The following LEKR1 variants were observed in gnomAD, a reference collection of about 807,000 sequenced individuals.
LEKR1 encodes protein LEKR1.
A neutral mutation model predicts 72.4 loss-of-function variants in LEKR1; 59 were observed. The ratio of observed to expected loss-of-function variants is 0.82; its 90% CI spans 0.66 to 1.01. The LOEUF (loss-of-function observed/expected upper bound fraction) is 1.01. Among genes scored for constraint, LEKR1 ranks in the 50% least tolerant of loss-of-function variants. LEKR1 has a pLI of 0.00. For missense variants in LEKR1, 728 were observed against 759.2 expected, an observed-to-expected ratio of 0.96 and a Z score of 0.48; for synonymous variants, 257 against 263.2, an observed-to-expected ratio of 0.98 and a Z score of 0.23.
At chr3:156,908,110 G>A (rs1306715245) in intron 3 of LEKR1, among the ~76,000 whole-genome samples, 1 of 152,136 alleles carries the variant, frequency 6.6e-6, no homozygotes, top group African/African-American at 2.4e-5. Flanking sequence ...ATATCAGGGT[G>A]TGTGTCATGA....
chr3:156,854,167 A>G (rs1455475652), intron 3 of LEKR1, among the ~76,000 whole-genome samples: 1 of 115,176 alleles, frequency 8.7e-6, no homozygotes, highest in African/African-American at 3.5e-5. Context: ...TTTTTGTGAC[A>G]GAGTCTTGCT....
chr3:156,886,777 A>C (rs1016324928), intron 3 of LEKR1, among the ~76,000 whole-genome samples: 2 of 152,222 alleles, frequency 1.3e-5, no homozygotes, highest in Non-Finnish European at 2.9e-5. Flanking sequence ...TTGGCAACTC[A>C]GTTTTTCACC....
At position 157,045,364 on chromosome 3, in the gene LEKR1, C is replaced by A; in HGVS notation, c.1693C>A (p.Arg565Ser). The A allele has an allele frequency of 6.2e-7, 1 of 1,613,462 alleles. No individual in the cohort carries two copies. Among genetic ancestry groups the A allele is most frequent in the Non-Finnish European group, 8.5e-7 (1 of 1,179,622 alleles). ...EENTFLQETVRRECEERFELT... is the reference protein window; with the variant it reads ...EENTFLQETVSRECEERFELT... ...GAATACTTTTCTTCAGGAGACAGTG[C>A]GTAGAGAATGTGAAGAACGCTTTGA... Residue 565 changes from arginine (R) to serine (S), a missense_variant, in exon 13 of 13, where the codon CGT (arginine) becomes AGT (serine). Transcript: ENST00000356539.
chr3:157,024,535 C>T (rs996814596), intron 10 of LEKR1, among the ~76,000 whole-genome samples: 1 of 152,136 alleles, frequency 6.6e-6, no homozygotes, highest in South Asian at 2.1e-4. Flanking sequence ...TGTAACTCCT[C>T]TACTAATTTT....
chr3:156,948,847 A>G (rs78519527), intron 6 of LEKR1, among the ~76,000 whole-genome samples: 4,812 of 151,608 alleles, frequency 0.032, 116 homozygotes, highest in Non-Finnish European at 0.047. Flanking sequence ...TGACTTTTTA[A>G]TAATAGCCAT....
At chr3:157,001,758 G>T (rs1175624720) in intron 9 of LEKR1, among the ~76,000 whole-genome samples, 4 of 152,168 alleles carry the variant, frequency 2.6e-5, no homozygotes, top group African/African-American at 9.7e-5. Context: ...TGTCACTTGT[G>T]AATCATGTCA....
Position 156,899,265 on chromosome 3 carries a change from T to C in LEKR1, c.264-21310T>C, listed in dbSNP as rs537165754. On this transcript the variant is annotated intron_variant, in intron 3 of 12. Transcript: ENST00000356539. The stretch of plus-strand genomic sequence containing the variant: ...ATACATATATATACATATATATATA[T>C]ACACACATGTATATATATACATGTA... Among the ~76,000 whole-genome samples, 56 of 116,026 alleles carry C rather than the reference T, an allele frequency of 4.8e-4. 4 individuals carry two copies. The highest frequency in any genetic ancestry group is 3.1e-3 in the East Asian group (13 of 4,140). The allele number at this position is 116,026 out of a possible 152,430, so 76.1% of individuals were successfully genotyped here.
At chr3:156,904,657 AAT>A (rs147716367) in intron 3 of LEKR1, among the ~76,000 whole-genome samples, 4,801 of 144,372 alleles carry the variant, frequency 0.033, 112 homozygotes, top group Non-Finnish European at 0.049. Context: ...TCATATAGCA[AAT>A]ATATATATAT....
intron 12 of LEKR1, among the ~76,000 whole-genome samples, chr3:157,028,936 AT>A: frequency 6.6e-6 from 1 of 152,206 alleles, no homozygotes; most frequent in East Asian, 1.9e-4. Flanking sequence ...GAGTAGACCT[AT>A]TTTGATTTGA....
chr3:156,897,953 CAAA>C (rs553211208), intron 3 of LEKR1, among the ~76,000 whole-genome samples: 18 of 94,948 alleles, frequency 1.9e-4, no homozygotes, highest in Admixed American at 2.2e-4. Flanking sequence ...ACTCTGTCTC[CAAA>C]AAAAAAAAAA....
rs533372853 is a variant in LEKR1, at chr3:156,967,793, C to T, written c.746-11401C>T. 2.7e-3 allele frequency among the ~76,000 whole-genome samples: 407 copies of T among 152,082 alleles called. 2 individuals carry two copies. Among genetic ancestry groups the T allele is most frequent in the Middle Eastern group, 0.017 (5 of 294 alleles). Reference sequence around the variant, plus strand: ...CAGAGAATGCCACAAAGATACTCCTCGAGAAGAGCAACTCCAAGACACATA... The same window carrying T: ...CAGAGAATGCCACAAAGATACTCCTTGAGAAGAGCAACTCCAAGACACATA... On this transcript the variant is annotated intron_variant, in intron 6 of 12. Transcript: ENST00000356539.
Position 156,841,973 on chromosome 3 carries a change from C to T in LEKR1, c.49-10795C>T, listed in dbSNP as rs149735313. 1.6e-4 allele frequency among the ~76,000 whole-genome samples: 24 copies of T among 152,308 alleles called. No homozygotes were observed. The East Asian group carries it at 3.3e-3, about 21-fold the overall frequency. The stretch of plus-strand genomic sequence containing the variant: ...TGAGCTCTGCCTCCTGTCAGATCAG[C>T]AGCAGCATTAGATTCTCATAGGAGC... On this transcript the variant is annotated intron_variant, in intron 2 of 12. Transcript: ENST00000356539.
intron 5 of LEKR1, among the ~76,000 whole-genome samples, chr3:156,935,917 T>C (rs921828871): frequency 1.3e-5 from 2 of 152,222 alleles, no homozygotes; most frequent in African/African-American, 4.8e-5. Context: ...CTATTGGATA[T>C]GACTAGTACG....
intron 3 of LEKR1, among the ~76,000 whole-genome samples, chr3:156,890,532 C>T (rs1450468923): frequency 6.6e-6 from 1 of 152,070 alleles, no homozygotes; most frequent in Non-Finnish European, 1.5e-5. Flanking sequence ...TTAATTATTT[C>T]TAAATATGAA....
intron 5 of LEKR1, among the ~76,000 whole-genome samples, chr3:156,936,426 A>AACACACACACAC (rs561039357): frequency 6.5e-5 from 5 of 76,898 alleles, no homozygotes; most frequent in African/African-American, 4.7e-4. Context: ...GTACAATGAG[A>AACACACACACAC]ACACACACAC....
At chr3:156,939,348 G>A (rs1003746705) in intron 5 of LEKR1, among the ~76,000 whole-genome samples, 49 of 152,236 alleles carry the variant, frequency 3.2e-4, no homozygotes, top group African/African-American at 1.1e-3. Flanking sequence ...CTTCACTGTC[G>A]GAGAAGGAAC....
intron 3 of LEKR1, chr3:156,853,360 T>C (rs1715632576): frequency 6.5e-6 from 1 of 154,008 alleles, no homozygotes; most frequent in Non-Finnish European, 1.4e-5. Context: ...ATTTGTAGAA[T>C]AAGGCTTTCA....
intron 3 of LEKR1, among the ~76,000 whole-genome samples, chr3:156,911,890 G>C (rs1050070995): frequency 2.6e-5 from 4 of 152,012 alleles, no homozygotes; most frequent in African/African-American, 9.7e-5. Flanking sequence ...GTACTATGCT[G>C]TTTTAGTTAC....
intron 5 of LEKR1, among the ~76,000 whole-genome samples, chr3:156,936,738 C>G (rs1350185315): frequency 6.6e-6 from 1 of 152,016 alleles, no homozygotes; most frequent in African/African-American, 2.4e-5. Flanking sequence ...GAAGAATAGC[C>G]TTTTCAACAA....
Sources: allele counts gnomAD v4.1 joint callset (sites outside exome capture counted in the v4.1 genomes callset), GRCh38; gene constraint gnomAD v4.1.1; transcripts MANE v1.5; gene names NCBI Gene and HGNC (gene_info 2026-07-23, HGNC 2026-07-21).